Variants in PGAP3 observed in about 807,000 individuals in gnomAD.
The protein encoded by PGAP3 is GPI-specific phospholipase A2-like PGAP3.
Under a neutral mutation model 40.3 loss-of-function variants are expected in PGAP3, and 31 were observed. The observed-to-expected ratio is 0.77, with a 90% CI of 0.58 to 1.04. The LOEUF (loss-of-function observed/expected upper bound fraction) is 1.04. Among genes scored for constraint, PGAP3 ranks in the 50% least tolerant of loss-of-function variants. PGAP3 has a pLI of 0.00. For missense variants in PGAP3, 413 were observed against 423.0 expected (o/e 0.98, Z 0.21); for synonymous variants, 191 against 184.5 (o/e 1.04, Z -0.29).
chr17:39,672,362 C>T lies in PGAP3; in HGVS notation c.*441G>A. The T allele has an allele frequency of 4.8e-6, 1 of 210,050 alleles. No individual in the cohort carries two copies. The highest frequency in any genetic ancestry group is 8.5e-5 in the South Asian group (1 of 11,790). 13.0% of individuals were successfully genotyped at this position (210,050 alleles called of 1,614,324 possible). A position where few individuals can be genotyped will look rare whatever the true frequency, so the allele number is the denominator to read the frequency against. ...GCATCCAGCACCACCTAGTGGTGTCCTGGAGGAGGGTGGGGGGTGGTAACA... is the reference window on the plus strand; with the variant it reads ...GCATCCAGCACCACCTAGTGGTGTCTTGGAGGAGGGTGGGGGGTGGTAACA... On this transcript the variant is annotated 3_prime_UTR_variant, in exon 8 of 8. Transcript: ENST00000300658.
intron 3 of PGAP3, among the ~76,000 whole-genome samples, chr17:39,678,761 G>T (rs2057405309): frequency 6.6e-6 from 1 of 152,122 alleles, no homozygotes; most frequent in Non-Finnish European, 1.5e-5. Context: ...GGGCAACTGG[G>T]AAGCCCAAGA....
At chr17:39,675,047 C>A (rs1565921) in intron 3 of PGAP3, among the ~76,000 whole-genome samples, 1 of 36,894 alleles carries the variant, frequency 2.7e-5, no homozygotes, top group Non-Finnish European at 1.4e-4. Flanking sequence ...AGCACCACCC[C>A]ACCCGGGCCC....
intron 6 of PGAP3, 125 bp from the exon 7 acceptor site, chr17:39,673,380 C>T: frequency 6.5e-7 from 1 of 1,548,726 alleles, no homozygotes; most frequent in Admixed American, 1.7e-5. Flanking sequence ...CCTCTCTCTC[C>T]CACCTCAAAT....
chr17:39,687,160 T>C (rs1013422626), intron 1 of PGAP3, among the ~76,000 whole-genome samples: 4 of 152,110 alleles, frequency 2.6e-5, no homozygotes, highest in Non-Finnish European at 5.9e-5. Context: ...AAGCTTGTGG[T>C]CAAACAGGCC....
At chr17:39,679,506 G>T (rs2057414354) in intron 3 of PGAP3, among the ~76,000 whole-genome samples, 1 of 152,228 alleles carries the variant, frequency 6.6e-6, no homozygotes, top group Non-Finnish European at 1.5e-5. Flanking sequence ...ATGCTCTCTA[G>T]TAGAGGTGGG....
At chr17:39,680,322 C>G (rs2057424138) in intron 3 of PGAP3, among the ~76,000 whole-genome samples, 1 of 152,180 alleles carries the variant, frequency 6.6e-6, no homozygotes, top group Admixed American at 6.5e-5. Context: ...CATAAGGGTA[C>G]TATGAGGATG....
At chr17:39,682,422 A>G (rs1472263613) in intron 3 of PGAP3, among the ~76,000 whole-genome samples, 5 of 152,128 alleles carry the variant, frequency 3.3e-5, no homozygotes, top group Non-Finnish European at 7.3e-5. Flanking sequence ...AATTGGCTCT[A>G]TAAGTAAGTT....
At chr17:39,683,448 C>G (rs1567877581) in intron 3 of PGAP3, among the ~76,000 whole-genome samples, 1 of 152,200 alleles carries the variant, frequency 6.6e-6, no homozygotes, top group Non-Finnish European at 1.5e-5. Flanking sequence ...CCCGACTGCA[C>G]TTTTTCATAG....
Position 39,687,969 on chromosome 17 carries a change from C to T in PGAP3, c.46G>A (p.Ala16Thr). ...TCGCCCTGGGAGCCGCTCGCCAGCG[C>T]CGCTGCCCCAGCTAGCAGGACCAAC... ...ARLVLLAGAA[A>T]LASGSQGDRE... Residue 16 changes from alanine (A) to threonine (T), a missense_variant, in exon 1 of 8, where the codon GCG (alanine) becomes ACG (threonine). Ala to Thr is a moderately conservative substitution (Grantham distance 58). Transcript: ENST00000300658. The T allele has an allele frequency of 2.0e-6, 3 of 1,470,044 alleles. No homozygotes were observed. The highest frequency in any genetic ancestry group is 1.8e-6 in the Non-Finnish European group (2 of 1,096,092). 91.1% of individuals were successfully genotyped at this position (1,470,044 alleles called of 1,614,324 possible). A position where few individuals can be genotyped will look rare whatever the true frequency, so the allele number is the denominator to read the frequency against.
intron 3 of PGAP3, among the ~76,000 whole-genome samples, chr17:39,675,420 A>G (rs1401002234): frequency 6.6e-6 from 1 of 152,208 alleles, no homozygotes; most frequent in African/African-American, 2.4e-5. Context: ...TGGTGCTGGC[A>G]CTTTCTTCAG....
Position 39,672,409 on chromosome 17 carries a change from T to C in PGAP3, c.*394A>G. 1 of 278,970 alleles carries C rather than the reference T, an allele frequency of 3.6e-6. No homozygotes were observed. Among genetic ancestry groups the C allele is most frequent in the Non-Finnish European group, 6.9e-6 (1 of 145,028 alleles). The allele number at this position is 278,970 out of a possible 1,614,324, so 17.3% of individuals were successfully genotyped here. On this transcript the variant is annotated 3_prime_UTR_variant, in exon 8 of 8. Transcript: ENST00000300658. ...AACAGAAGGGGACCCCCTGTATCCC[T>C]AAGGCCTGTGGTCCCTGGTCTCCCA...
intron 1 of PGAP3, among the ~76,000 whole-genome samples, chr17:39,686,455 C>T (rs971358627): frequency 2.6e-5 from 4 of 151,764 alleles, no homozygotes; most frequent in Admixed American, 6.6e-5. Flanking sequence ...GGGGTTTCTC[C>T]ATGTTGGTCA....
At chr17:39,684,486 G>A (rs2057482477) in intron 3 of PGAP3, 111 bp downstream of exon 3, 2 of 1,325,808 alleles carry the variant, frequency 1.5e-6, no homozygotes, top group Non-Finnish European at 2.0e-6. Flanking sequence ...TTTAGCCCTG[G>A]GAAACAGAGG....
chr17:39,680,919 A>C (rs183249166), intron 3 of PGAP3, among the ~76,000 whole-genome samples: 1 of 152,170 alleles, frequency 6.6e-6, no homozygotes, highest in East Asian at 1.9e-4. Context: ...ACAAGAGTAC[A>C]GTGACAGGAT....
At chr17:39,676,083 G>A (rs1405583548) in intron 3 of PGAP3, among the ~76,000 whole-genome samples, 2 of 152,208 alleles carry the variant, frequency 1.3e-5, no homozygotes, top group Non-Finnish European at 2.9e-5. Flanking sequence ...CCCTGCTGCA[G>A]CCCCCTCCCC....
At chr17:39,687,772 T>TG (rs1373704570) in intron 1 of PGAP3, 62 bp downstream of exon 1, 3 of 1,196,588 alleles carry the variant, frequency 2.5e-6, no homozygotes, top group African/African-American at 4.0e-5. Flanking sequence ...AGAGGCGTAT[T>TG]GGGGGCGCAG....
chr17:39,680,997 G>A (rs921318967), intron 3 of PGAP3, among the ~76,000 whole-genome samples: 1 of 152,100 alleles, frequency 6.6e-6, no homozygotes, highest in African/African-American at 2.4e-5. Context: ...CTACTAGCTG[G>A]GACTACGGGC....
At position 39,682,225 on chromosome 17, in the gene PGAP3, C is replaced by CAAAAAAAAAA. The variant is rs60959390; in HGVS notation, c.432+2362_432+2371dup. Among the ~76,000 whole-genome samples, 4 of 22,830 alleles carry CAAAAAAAAAA rather than the reference C, an allele frequency of 1.8e-4. 1 individual carries two copies. Among genetic ancestry groups the CAAAAAAAAAA allele is most frequent in the Non-Finnish European group, 3.2e-4 (4 of 12,376 alleles). 15.0% of individuals were successfully genotyped at this position (22,830 alleles called of 152,430 possible). On this transcript the variant is annotated intron_variant, in intron 3 of 7. Coordinates refer to ENST00000300658, the MANE Select transcript of PGAP3 (RefSeq NM_033419.5). ...TGGGTGACAGAGTGAGACTCTGTCT[C>CAAAAAAAAAA]AAAAAAAAAAAAAAAAAAAAAAAAA... is the stretch of plus-strand genomic sequence containing the variant.
chr17:39,681,396 T>C (rs189493733), intron 3 of PGAP3, among the ~76,000 whole-genome samples: 35 of 152,242 alleles, frequency 2.3e-4, no homozygotes, highest in African/African-American at 7.5e-4. Flanking sequence ...ACCTATAAGC[T>C]GCGTTAAACA....
Sources: allele counts gnomAD v4.1 joint callset (sites outside exome capture counted in the v4.1 genomes callset), GRCh38; gene constraint gnomAD v4.1.1; transcripts MANE v1.5; gene names NCBI Gene and HGNC (gene_info 2026-07-23, HGNC 2026-07-21).